Variants in CCDC127 observed in about 807,000 individuals in gnomAD.
The protein encoded by CCDC127 is coiled-coil domain-containing protein 127.
In CCDC127, 2 loss-of-function variants were observed where a neutral mutation model predicts 4.1. That is an observed-to-expected ratio of 0.49 (90% CI 0.20 to 1.53). CCDC127 has a LOEUF of 1.53. Among genes scored for constraint, CCDC127 ranks in the 40% most tolerant of loss-of-function variants. The probability of loss-of-function intolerance (pLI) is 0.23; values close to 1 mark genes in which losing one functional copy is unlikely to be tolerated. For missense variants in CCDC127, 271 were observed against 322.9 expected, an observed-to-expected ratio of 0.84 and a Z score of 1.23; for synonymous variants, 98 against 120.4, an observed-to-expected ratio of 0.81 and a Z score of 1.22.
intron 2 of CCDC127, among the ~76,000 whole-genome samples, chr5:209,896 G>A (rs1212197091): frequency 1.3e-5 from 2 of 151,524 alleles, no homozygotes; most frequent in African/African-American, 4.9e-5. Flanking sequence ...AAAAAAAAAC[G>A]GACCAAATTC....
In CCDC127 at chr5:217,159, A is replaced by C. The variant is rs1479475338; in HGVS notation, c.-10-300T>G. 8 of 226,486 alleles carry C rather than the reference A, an allele frequency of 3.5e-5. 1 individual carries two copies. The highest frequency in any genetic ancestry group is 6.1e-5 in the Non-Finnish European group (7 of 115,066). 14.0% of individuals were successfully genotyped at this position (226,486 alleles called of 1,614,324 possible). ...AAAAAAAAAGAAAAAGAAAAAGGAAAAAAAAAACAAGAACTTAAGATGAAA... is the reference window on the plus strand; with the variant it reads ...AAAAAAAAAGAAAAAGAAAAAGGAACAAAAAAACAAGAACTTAAGATGAAA... On this transcript the variant is annotated intron_variant, in intron 1 of 2. Coordinates refer to ENST00000296824, the MANE Select transcript of CCDC127 (RefSeq NM_145265.3).
chr5:216,367 C>T (rs1435083346), intron 2 of CCDC127: 7 of 240,542 alleles, frequency 2.9e-5, no homozygotes, highest in Non-Finnish European at 5.8e-5. Context: ...TTTTGTTCCC[C>T]AGCAGTCCTT....
intron 2 of CCDC127, among the ~76,000 whole-genome samples, chr5:206,551 C>A (rs1458742476): frequency 1.3e-5 from 2 of 152,204 alleles, no homozygotes; most frequent in Non-Finnish European, 1.5e-5. Context: ...GGCTGGCCTG[C>A]ACTGCAGAGA....
At chr5:214,787 TG>T (rs1734345750) in intron 2 of CCDC127, 1 of 152,220 alleles carries the variant, frequency 6.6e-6, no homozygotes, top group Admixed American at 6.5e-5. Flanking sequence ...CCCAGCACTT[TG>T]GGAGGCCGAG....
chr5:197,924 T>A lies in CCDC127; in HGVS notation c.*7373A>T, dbSNP rs10054082. ...GCCCCCACCCCTGCTGCCCCGTGTC[T>A]CCCCCTCCCGGAGTGTGTCCCCACC... On this transcript the variant is annotated 3_prime_UTR_variant, in exon 3 of 3. Transcript: ENST00000296824. 85,983 of 118,700 alleles carry A rather than the reference T, an allele frequency of 0.72. 29,911 individuals carry two copies. Among genetic ancestry groups the A allele is most frequent in the Non-Finnish European group, 0.75 (43,729 of 58,256 alleles). The allele number at this position is 118,700 out of a possible 1,614,324, so 7.4% of individuals were successfully genotyped here. A position where few individuals can be genotyped will look rare whatever the true frequency, so the allele number is the denominator to read the frequency against.
rs567087847 is a variant in CCDC127 at position 207,344 on chromosome 5, C to G, written c.122-1386G>C. ...CGTCACCTTTATCTCCTCCCTTTGACGAGAGCTCACAGGCAGGGGCCTGAC... is the reference window on the plus strand; with the variant it reads ...CGTCACCTTTATCTCCTCCCTTTGAGGAGAGCTCACAGGCAGGGGCCTGAC... On this transcript the variant is annotated intron_variant, in intron 2 of 2. Transcript: ENST00000296824. 3.3e-5 allele frequency among the ~76,000 whole-genome samples: 5 copies of G among 152,276 alleles called. No individual in the cohort carries two copies. In the East Asian group the frequency reaches 9.6e-4, roughly 29 times the overall value.
At chr5:215,639 A>T (rs1273692441) in intron 2 of CCDC127, 1 of 152,030 alleles carries the variant, frequency 6.6e-6, no homozygotes, top group East Asian at 1.9e-4. Flanking sequence ...CCAAGAAGCA[A>T]GCACTGCGCA....
At chr5:216,995 G>A (rs1413512237) in intron 1 of CCDC127, 136 bp from the exon 2 acceptor site, 1 of 530,988 alleles carries the variant, frequency 1.9e-6, no homozygotes, top group African/African-American at 1.9e-5. Flanking sequence ...GCCGGGCATG[G>A]TGGCGGGCAC....
intron 2 of CCDC127, among the ~76,000 whole-genome samples, chr5:208,883 G>A (rs966129634): frequency 2.0e-5 from 3 of 152,202 alleles, no homozygotes; most frequent in African/African-American, 4.8e-5. Context: ...GGGCCAGGAC[G>A]GGTCACACTA....
Position 201,431 on chromosome 5 carries a change from A to G in CCDC127, c.*3866T>C, listed in dbSNP as rs1448093800. 3 of 152,242 alleles carry G rather than the reference A, an allele frequency of 2.0e-5. No homozygotes were observed. The highest frequency in any genetic ancestry group is 4.4e-5 in the Non-Finnish European group (3 of 68,038). The allele number at this position is 152,242 out of a possible 1,614,324, so 9.4% of individuals were successfully genotyped here. A position where few individuals can be genotyped will look rare whatever the true frequency, so the allele number is the denominator to read the frequency against. On this transcript the variant is annotated 3_prime_UTR_variant, in exon 3 of 3. Coordinates refer to ENST00000296824, the MANE Select transcript of CCDC127 (RefSeq NM_145265.3). ...AGACATAACTTCTCTTTGAAAGAACACACAGATCATTTGGTGAAGTTTTTC... is the reference window on the plus strand; with the variant it reads ...AGACATAACTTCTCTTTGAAAGAACGCACAGATCATTTGGTGAAGTTTTTC...
chr5:215,830 G>A (rs1186121554), intron 2 of CCDC127: 3 of 152,078 alleles, frequency 2.0e-5, no homozygotes, highest in Admixed American at 6.5e-5. Context: ...CTAAGTGCCA[G>A]CCCAGAACCA....
chr5:213,227 TG>T (rs1734308864), intron 2 of CCDC127, among the ~76,000 whole-genome samples: 2 of 82,664 alleles, frequency 2.4e-5, no homozygotes, highest in Non-Finnish European at 4.3e-5. Context: ...CCCATCAGGA[TG>T]GGGCAGACGG....
Position 199,572 on chromosome 5 carries a change from C to T in CCDC127, c.*5725G>A, listed in dbSNP as rs1434355906. 6.5e-6 allele frequency: 1 copy of T among 153,188 alleles called. No homozygotes were observed. The highest frequency in any genetic ancestry group is 2.4e-5 in the African/African-American group (1 of 41,308). 9.5% of individuals were successfully genotyped at this position (153,188 alleles called of 1,614,324 possible). A position where few individuals can be genotyped will look rare whatever the true frequency, so the allele number is the denominator to read the frequency against. On this transcript the variant is annotated 3_prime_UTR_variant, in exon 3 of 3. Coordinates refer to ENST00000296824, the MANE Select transcript of CCDC127 (RefSeq NM_145265.3). ...CACCCCCCGCCCCACCTCTGCCAGC[C>T]CAGAGCCCCTCAGCCCAGATCCCAT...
intron 2 of CCDC127, 51 bp from the exon 3 acceptor site, chr5:206,009 T>C (rs1212084689): frequency 6.1e-6 from 9 of 1,477,656 alleles, no homozygotes; most frequent in Non-Finnish European, 8.3e-6. Context: ...GGGCTGAAGT[T>C]CTATAATCCT....
At chr5:207,995 G>C (rs931697303) in intron 2 of CCDC127, among the ~76,000 whole-genome samples, 2 of 152,192 alleles carry the variant, frequency 1.3e-5, no homozygotes, top group Non-Finnish European at 2.9e-5. Flanking sequence ...CAGGGAGCCA[G>C]GCAGGGGAGG....
At position 203,589 on chromosome 5, in the gene CCDC127, G is replaced by T. The variant is rs1734112326; in HGVS notation, c.*1708C>A. ...AATAGTGGCTCTCATACTGCCACGT[G>T]GGCTCTATGAGCTTAGGATTTTTAA... On this transcript the variant is annotated 3_prime_UTR_variant, in exon 3 of 3. Coordinates refer to ENST00000296824, the MANE Select transcript of CCDC127 (RefSeq NM_145265.3). 6.6e-6 allele frequency: 1 copy of T among 152,268 alleles called. No homozygotes were observed. The highest frequency in any genetic ancestry group is 2.4e-5 in the African/African-American group (1 of 41,458). 9.4% of individuals were successfully genotyped at this position (152,268 alleles called of 1,614,324 possible). A position where few individuals can be genotyped will look rare whatever the true frequency, so the allele number is the denominator to read the frequency against.
rs1347829488 is a variant in CCDC127 at position 199,590 on chromosome 5, G to A, written c.*5707C>T. 6.7e-6 allele frequency: 1 copy of A among 149,146 alleles called. No homozygotes were observed. The highest frequency in any genetic ancestry group is 1.5e-5 in the Non-Finnish European group (1 of 68,040). The allele number at this position is 149,146 out of a possible 1,614,324, so 9.2% of individuals were successfully genotyped here. Reference sequence around the variant, plus strand: ...TGCCAGCCCAGAGCCCCTCAGCCCAGATCCCATTTTCTGGCACCACCAGCC... The same window carrying A: ...TGCCAGCCCAGAGCCCCTCAGCCCAAATCCCATTTTCTGGCACCACCAGCC... On this transcript the variant is annotated 3_prime_UTR_variant, in exon 3 of 3. Coordinates refer to ENST00000296824, the MANE Select transcript of CCDC127 (RefSeq NM_145265.3).
chr5:218,126 T>C lies in CCDC127; in HGVS notation c.-44A>G, dbSNP rs1461733696. 6 of 1,231,378 alleles carry C rather than the reference T, an allele frequency of 4.9e-6. No homozygotes were observed. The highest frequency in any genetic ancestry group is 3.3e-5 in the East Asian group (1 of 30,266). 76.3% of individuals were successfully genotyped at this position (1,231,378 alleles called of 1,614,324 possible). ...GGGAGCGCGGGACCTCAGCGTTCCC[T>C]TAACGCCACCGTCCGCGGGTCCGCT... On this transcript the variant is annotated 5_prime_UTR_variant, in exon 1 of 3. Transcript: ENST00000296824.
intron 2 of CCDC127, among the ~76,000 whole-genome samples, chr5:209,124 G>A (rs900163119): frequency 2.0e-4 from 30 of 150,466 alleles, no homozygotes; most frequent in Admixed American, 1.9e-3. Flanking sequence ...TCGCAGCCTG[G>A]CCACACACAT....
Sources: gnomAD v4.1 joint callset for allele counts (sites outside exome capture counted in the v4.1 genomes callset) on GRCh38, gnomAD v4.1.1 for gene constraint, MANE v1.5 for transcripts, NCBI Gene and HGNC (gene_info 2026-07-23, HGNC 2026-07-21) for gene names.